MAP3K14: variants seen among roughly 807,000 people sequenced by gnomAD.
The protein encoded by MAP3K14 is mitogen-activated protein kinase kinase kinase 14, also known as NF-kappa-beta-inducing kinase.
In MAP3K14, 16 loss-of-function variants were observed where a neutral mutation model predicts 99.2. That is an observed-to-expected ratio of 0.16 (90% confidence interval 0.11 to 0.24). MAP3K14 has a LOEUF of 0.24. Among genes scored for constraint, MAP3K14 ranks in the 10% least tolerant of loss-of-function variants. The probability of loss-of-function intolerance (pLI) is 1.00; values close to 1 mark genes in which losing one functional copy is unlikely to be tolerated. For missense variants in MAP3K14, 784 were observed against 1,208.7 expected (o/e 0.65, Z 5.21); for synonymous variants, 462 against 492.4 (o/e 0.94, Z 0.82).
At chr17:45,283,373 A>G (rs2044239010) in intron 6 of MAP3K14, among the ~76,000 whole-genome samples, 1 of 152,164 alleles carries the variant, frequency 6.6e-6, no homozygotes, top group African/African-American at 2.4e-5. Flanking sequence ...CTCAGCACGC[A>G]CTCAGCACGT....
rs571573792 is a variant in MAP3K14 at position 45,312,964 on chromosome 17, C to T, written c.-21+3996G>A. Among the ~76,000 whole-genome samples the T allele has an allele frequency of 3.3e-5, 5 of 152,304 alleles. No individual in the cohort carries two copies. The South Asian group carries it at 1.0e-3, about 32-fold the overall frequency. On this transcript the variant is annotated intron_variant, in intron 1 of 15. Transcript: ENST00000344686. ...CTCACCTCCAGGATTAATGCAGGAA[C>T]CTACTTGATCACGTGTGGGACACAG...
intron 1 of MAP3K14, among the ~76,000 whole-genome samples, chr17:45,316,563 C>T (rs2044535037): frequency 6.6e-6 from 1 of 152,356 alleles, no homozygotes; most frequent in African/African-American, 2.4e-5. Flanking sequence ...CCAGGGCGCA[C>T]TCCTGCAGGA....
rs2044262528 is a variant in MAP3K14, at chr17:45,286,141, C to T, written c.1152+290G>A. ...CCGTCTCTGGGGGCCATGATAACAT[C>T]TCCAGTGGCTCCTGGCTGATTCCCC... On this transcript the variant is annotated intron_variant, in intron 5 of 15. Coordinates refer to ENST00000344686, the MANE Select transcript of MAP3K14 (RefSeq NM_003954.5). This position sits in a 1 kb window ranked among gnomAD's most constrained non-coding sequence, Gnocchi z 4.1. 6.6e-6 allele frequency among the ~76,000 whole-genome samples: 1 copy of T among 152,132 alleles called. No individual in the cohort carries two copies. Among genetic ancestry groups the T allele is most frequent in the Admixed American group, 6.5e-5 (1 of 15,270 alleles).
chr17:45,291,095 T>A (rs2044306557), intron 1 of MAP3K14: 1 of 232,410 alleles, frequency 4.3e-6, no homozygotes, highest in African/African-American at 2.2e-5. Flanking sequence ...GCCTTTATGA[T>A]GGCTCGATCT....
intron 1 of MAP3K14, among the ~76,000 whole-genome samples, chr17:45,303,590 G>T (rs1319154671): frequency 6.6e-6 from 1 of 151,862 alleles, no homozygotes; most frequent in Non-Finnish European, 1.5e-5. Flanking sequence ...CAAAATAATT[G>T]TTCATTGTAA....
At chr17:45,273,961 T>C in intron 8 of MAP3K14, 162 bp downstream of exon 8, 8 of 847,940 alleles carry the variant, frequency 9.4e-6, no homozygotes, top group Non-Finnish European at 1.4e-5. Context: ...GGCTAAGGGG[T>C]TGGAGAACAT....
intron 11 of MAP3K14, 51 bp downstream of exon 11, chr17:45,270,362 T>C: frequency 6.3e-7 from 1 of 1,582,494 alleles, no homozygotes; most frequent in Non-Finnish European, 8.6e-7. Flanking sequence ...GCCTCCTCTG[T>C]CCACCTCTGT....
intron 6 of MAP3K14, among the ~76,000 whole-genome samples, chr17:45,279,189 G>C (rs947165335): frequency 3.3e-5 from 5 of 152,206 alleles, no homozygotes; most frequent in Non-Finnish European, 5.9e-5. Context: ...GAGTGCAATG[G>C]CGTGATCTCG....
chr17:45,306,382 A>G (rs2044430228), intron 1 of MAP3K14, among the ~76,000 whole-genome samples: 1 of 152,194 alleles, frequency 6.6e-6, no homozygotes, highest in African/African-American at 2.4e-5. Context: ...AAGGTTAGTG[A>G]GAAATTCAGG....
intron 1 of MAP3K14, among the ~76,000 whole-genome samples, chr17:45,293,202 C>T (rs1014408427): frequency 3.9e-5 from 6 of 152,204 alleles, no homozygotes; most frequent in African/African-American, 7.2e-5. Flanking sequence ...AGAGTCCTGC[C>T]TGATGAATGA....
chr17:45,269,576 C>T (rs974596060), intron 11 of MAP3K14, among the ~76,000 whole-genome samples: 4 of 152,138 alleles, frequency 2.6e-5, no homozygotes, highest in African/African-American at 9.7e-5. Flanking sequence ...ATCCCACCAT[C>T]CCACGTACTG....
rs533262314 is a variant in MAP3K14, at chr17:45,287,836, C to T, written c.327-472G>A. On this transcript the variant is annotated intron_variant, in intron 3 of 15. Coordinates refer to ENST00000344686, the MANE Select transcript of MAP3K14 (RefSeq NM_003954.5). ...GAGCAGAGCTTGTTTCTGTTGCCTC[C>T]GGATGGAGGAACAGGTAAGGCTGGT... Among the ~76,000 whole-genome samples, 24 of 152,270 alleles carry T rather than the reference C, an allele frequency of 1.6e-4. No homozygotes were observed. The South Asian group carries it at 3.3e-3, about 21-fold the overall frequency.
rs1836460561 is a variant in MAP3K14, at chr17:45,267,026, G to A, written c.2433+66C>T. 2.5e-6 allele frequency: 3 copies of A among 1,191,928 alleles called. No individual in the cohort carries two copies. Among genetic ancestry groups the A allele is most frequent in the Non-Finnish European group, 3.6e-6 (3 of 822,190 alleles). The allele number at this position is 1,191,928 out of a possible 1,614,324, so 73.8% of individuals were successfully genotyped here. ...TCACTAGCTGGACGCAAAGCTACTTGCTCTGTGCCAGGGCCGGGAAAACCA... is the reference window on the plus strand; with the variant it reads ...TCACTAGCTGGACGCAAAGCTACTTACTCTGTGCCAGGGCCGGGAAAACCA... On this transcript the variant is annotated intron_variant, in intron 13 of 15. Transcript: ENST00000344686. This position sits in a 1 kb window ranked among gnomAD's most constrained non-coding sequence, Gnocchi z 5.1.
In MAP3K14 at chr17:45,287,379, A is replaced by G. The variant is rs749239208; in HGVS notation, c.327-15T>C. On this transcript the variant is annotated splice_polypyrimidine_tract_variant and intron_variant, in intron 3 of 15. Transcript: ENST00000344686. ...TCTCGGACTGGCTGTCACAAAAGGGACAGATTTGCATATTGAGCACGAGGA... is the reference window on the plus strand; with the variant it reads ...TCTCGGACTGGCTGTCACAAAAGGGGCAGATTTGCATATTGAGCACGAGGA... The G allele has an allele frequency of 1.2e-6, 2 of 1,611,320 alleles. No individual in the cohort carries two copies. The highest frequency in any genetic ancestry group is 1.1e-5 in the South Asian group (1 of 90,980).
chr17:45,304,017 T>C (rs1246089452), intron 1 of MAP3K14, among the ~76,000 whole-genome samples: 1 of 146,598 alleles, frequency 6.8e-6, no homozygotes, highest in Non-Finnish European at 1.5e-5. Flanking sequence ...TTTCTTTTTT[T>C]TTTTTTTTTT....
intron 6 of MAP3K14, among the ~76,000 whole-genome samples, chr17:45,283,148 A>G (rs888257534): frequency 6.6e-6 from 1 of 152,184 alleles, no homozygotes; most frequent in Admixed American, 6.5e-5. Flanking sequence ...GGCCCTCAGC[A>G]GGGGAACAGC....
intron 9 of MAP3K14, among the ~76,000 whole-genome samples, chr17:45,271,709 C>T (rs529055325): frequency 2.0e-5 from 3 of 152,202 alleles, no homozygotes; most frequent in Admixed American, 1.3e-4. Context: ...AGGAGCTAGG[C>T]GGGGACTCTG....
intron 1 of MAP3K14, among the ~76,000 whole-genome samples, chr17:45,307,182 C>T (rs1383296067): frequency 6.6e-6 from 1 of 151,808 alleles, no homozygotes; most frequent in Non-Finnish European, 1.5e-5. Flanking sequence ...CGCTTGAACC[C>T]GGGAGGTGGA....
Position 45,306,004 on chromosome 17 carries a change from T to G in MAP3K14, c.-21+10956A>C, listed in dbSNP as rs1414001632. On this transcript the variant is annotated intron_variant, in intron 1 of 15. Transcript: ENST00000344686. ...AAATTAGTTGTCCTGTGGTCATCTT[T>G]GAGTGTTACAACAATCTGCTATTTG... Among the ~76,000 whole-genome samples, 4 of 152,284 alleles carry G rather than the reference T, an allele frequency of 2.6e-5. No individual in the cohort carries two copies. In the East Asian group the frequency reaches 5.8e-4, roughly 22 times the overall value.
Sources: allele counts gnomAD v4.1 joint callset (sites outside exome capture counted in the v4.1 genomes callset), GRCh38; gene constraint gnomAD v4.1.1; non-coding constraint Gnocchi (gnomAD v3.1); transcripts MANE v1.5; gene names NCBI Gene and HGNC (gene_info 2026-07-23, HGNC 2026-07-21).